The following ADAMTS19 variants were observed in gnomAD, a reference collection of about 807,000 sequenced individuals.
The protein encoded by ADAMTS19 is ADAM metallopeptidase with thrombospondin type 1 motif 19, also known as A disintegrin and metalloproteinase with thrombospondin motifs 19.
Under a neutral mutation model 153.3 loss-of-function variants are expected in ADAMTS19, and 93 were observed. The observed-to-expected ratio is 0.61, with a 90% CI of 0.51 to 0.72. The LOEUF (loss-of-function observed/expected upper bound fraction) is 0.72, where lower values mean the gene tolerates loss of function less well. Ranked by LOEUF, ADAMTS19 falls within the 30% of genes least tolerant of loss-of-function variation. The pLI, the probability that ADAMTS19 is intolerant of heterozygous loss-of-function variation, is 0.00. For synonymous variants in ADAMTS19, 600 were observed against 556.6 expected (o/e 1.08, Z -1.10); for missense variants, 1,482 against 1,552.1 (o/e 0.95, Z 0.76).
At chr5:129,534,150 T>G (rs1752319549) in intron 6 of ADAMTS19, among the ~76,000 whole-genome samples, 1 of 152,110 alleles carries the variant, frequency 6.6e-6, no homozygotes, top group Non-Finnish European at 1.5e-5. Context: ...TGGATATCCT[T>G]GTTAACTACC....
chr5:129,612,369 T>C lies in ADAMTS19; in HGVS notation c.1479-8249T>C, dbSNP rs571494260. ...TGTGCCACATTTTCTTAATCCAGTC[T>C]ATCGTTGTTGGACATTTAGGTTGCT... On this transcript the variant is annotated intron_variant, in intron 8 of 22. Coordinates refer to ENST00000274487, the MANE Select transcript of ADAMTS19 (RefSeq NM_133638.6). 4.6e-5 allele frequency among the ~76,000 whole-genome samples: 7 copies of C among 152,108 alleles called. No homozygotes were observed. The South Asian group carries it at 1.4e-3, about 32-fold the overall frequency.
At chr5:129,711,391 C>A (rs76497030) in intron 21 of ADAMTS19, among the ~76,000 whole-genome samples, 5,916 of 152,200 alleles carry the variant, frequency 0.039, 168 homozygotes, top group Middle Eastern at 0.065. Flanking sequence ...TCTGACAATT[C>A]TTGACTGGGC....
intron 11 of ADAMTS19, among the ~76,000 whole-genome samples, chr5:129,643,447 G>C (rs1318366583): frequency 4.6e-5 from 7 of 151,806 alleles, no homozygotes; most frequent in Non-Finnish European, 4.4e-5. Flanking sequence ...TACCTCTTGG[G>C]AGGGAAGTAG....
At chr5:129,570,533 A>T (rs1753861778) in intron 7 of ADAMTS19, among the ~76,000 whole-genome samples, 3 of 151,924 alleles carry the variant, frequency 2.0e-5, no homozygotes, top group Non-Finnish European at 4.4e-5. Context: ...TAAAGAAGAA[A>T]TAATACAAAT....
intron 9 of ADAMTS19, among the ~76,000 whole-genome samples, chr5:129,621,846 C>G (rs1254218644): frequency 2.0e-5 from 3 of 152,126 alleles, no homozygotes; most frequent in African/African-American, 7.2e-5. Flanking sequence ...TAGCTGATAT[C>G]TTATATTCAC....
chr5:129,654,952 T>A (rs1031606904), intron 14 of ADAMTS19, among the ~76,000 whole-genome samples: 1 of 152,194 alleles, frequency 6.6e-6, no homozygotes, highest in African/African-American at 2.4e-5. Context: ...TTTATATGCA[T>A]GTATGTGCTT....
At chr5:129,523,264 A>C (rs1040370951) in intron 3 of ADAMTS19, among the ~76,000 whole-genome samples, 2 of 152,190 alleles carry the variant, frequency 1.3e-5, no homozygotes, top group Non-Finnish European at 2.9e-5. Context: ...TAGAACTGTG[A>C]GAACACATAT....
intron 6 of ADAMTS19, among the ~76,000 whole-genome samples, chr5:129,537,106 G>C (rs187096399): frequency 1.3e-5 from 2 of 151,760 alleles, no homozygotes; most frequent in African/African-American, 2.4e-5. Flanking sequence ...CCATCAAAAA[G>C]TGGGTGAAGG....
intron 8 of ADAMTS19, among the ~76,000 whole-genome samples, chr5:129,607,713 A>G (rs1224971067): frequency 6.6e-6 from 1 of 152,132 alleles, no homozygotes; most frequent in African/African-American, 2.4e-5. Flanking sequence ...TGATGAGTCT[A>G]ACTTAAAGTC....
At chr5:129,703,545 C>T (rs929525054) in intron 20 of ADAMTS19, among the ~76,000 whole-genome samples, 6 of 152,106 alleles carry the variant, frequency 3.9e-5, no homozygotes, top group African/African-American at 1.4e-4. Flanking sequence ...CCAGCCCAGC[C>T]AACATGGCAA....
At chr5:129,498,377 G>C (rs66499144) in intron 2 of ADAMTS19, among the ~76,000 whole-genome samples, 62,349 of 151,862 alleles carry the variant, frequency 0.41, 15,964 homozygotes, top group African/African-American at 0.73. Context: ...ACCATTTCTT[G>C]TGGTACTAAG....
At chr5:129,733,759 C>T (rs1006037710) in intron 21 of ADAMTS19, among the ~76,000 whole-genome samples, 3 of 151,930 alleles carry the variant, frequency 2.0e-5, no homozygotes, top group South Asian at 4.1e-4. Flanking sequence ...GGTTCTCAAA[C>T]ACCTAAAAAT....
intron 15 of ADAMTS19, 89 bp from the exon 16 acceptor site, chr5:129,665,410 A>G: frequency 8.6e-7 from 1 of 1,166,942 alleles, no homozygotes; most frequent in Non-Finnish European, 1.2e-6. Flanking sequence ...CAATAACCAA[A>G]ACCAAAAGGA....
chr5:129,497,478 A>G (rs1581008597), intron 2 of ADAMTS19, among the ~76,000 whole-genome samples: 1 of 152,128 alleles, frequency 6.6e-6, no homozygotes, highest in Non-Finnish European at 1.5e-5. Context: ...TCATTCTCCA[A>G]CTACTTGACT....
intron 21 of ADAMTS19, among the ~76,000 whole-genome samples, chr5:129,728,792 T>G (rs1317158382): frequency 4.6e-5 from 7 of 152,168 alleles, no homozygotes; most frequent in Non-Finnish European, 8.8e-5. Context: ...TAGTAAATAA[T>G]CTCTGGTGTT....
In ADAMTS19 at chr5:129,648,950, G is replaced by A; in HGVS notation, c.2156G>A (p.Trp719Ter). Residue 719 changes from tryptophan (W) to a stop codon, truncating the protein, a stop_gained, in exon 13 of 23, where the codon TGG (tryptophan) becomes TAG (stop). Coordinates refer to ENST00000274487, the MANE Select transcript of ADAMTS19 (RefSeq NM_133638.6). LOFTEE classifies it high-confidence loss of function. ...TCCTCCCCAAAGCATATACTTCAGTGGCAAGCTGTCCTGGATGAAGGTATG... is the reference window on the plus strand; with the variant it reads ...TCCTCCCCAAAGCATATACTTCAGTAGCAAGCTGTCCTGGATGAAGGTATG... ...RTSSPKHILQ[W>*]QAVLDEEKPC... The A allele has an allele frequency of 6.2e-7, 1 of 1,608,238 alleles. No homozygotes were observed. Among genetic ancestry groups the A allele is most frequent in the Non-Finnish European group, 8.5e-7 (1 of 1,175,894 alleles).
At chr5:129,672,532 C>G (rs568747233) in intron 16 of ADAMTS19, among the ~76,000 whole-genome samples, 2 of 152,140 alleles carry the variant, frequency 1.3e-5, no homozygotes, top group East Asian at 1.9e-4. Flanking sequence ...AGTGGGAGCT[C>G]TAGTAGGAGA....
intron 10 of ADAMTS19, among the ~76,000 whole-genome samples, chr5:129,638,211 C>T (rs529396278): frequency 3.9e-4 from 59 of 152,208 alleles, no homozygotes; most frequent in African/African-American, 1.4e-3. Context: ...GAGTGTTAGT[C>T]TCTGGACAGG....
chr5:129,626,897 G>A (rs999804889), intron 10 of ADAMTS19, among the ~76,000 whole-genome samples: 1 of 152,086 alleles, frequency 6.6e-6, no homozygotes, highest in Non-Finnish European at 1.5e-5. Context: ...AGATGGTTAG[G>A]ATGGTGTTAT....
Sources: gnomAD v4.1 joint callset for allele counts (sites outside exome capture counted in the v4.1 genomes callset) on GRCh38, gnomAD v4.1.1 for gene constraint, MANE v1.5 for transcripts, NCBI Gene and HGNC (gene_info 2026-07-23, HGNC 2026-07-21) for gene names.